DTNB: variants seen among roughly 807,000 people sequenced by gnomAD.
DTNB encodes the protein DTN-B.
In DTNB, 63 loss-of-function variants were observed where a neutral mutation model predicts 90.7. The ratio of observed to expected loss-of-function variants is 0.69; its 90% CI spans 0.57 to 0.86. The LOEUF (loss-of-function observed/expected upper bound fraction) is 0.86. Among genes scored for constraint, DTNB ranks in the 40% least tolerant of loss-of-function variants. The pLI is 0.00. For synonymous variants in DTNB, 277 were observed against 286.7 expected (o/e 0.97, Z 0.34); for missense variants, 744 against 807.1 (o/e 0.92, Z 0.95).
intron 16 of DTNB, among the ~76,000 whole-genome samples, chr2:25,395,019 G>T (rs896602613): frequency 6.6e-6 from 1 of 152,122 alleles, no homozygotes; most frequent in Non-Finnish European, 1.5e-5. Flanking sequence ...AAACAAATGG[G>T]ATAGATACAC....
intron 10 of DTNB, among the ~76,000 whole-genome samples, chr2:25,473,490 A>C (rs1226263903): frequency 6.6e-6 from 1 of 152,236 alleles, no homozygotes; most frequent in African/African-American, 2.4e-5. Context: ...GTGTGTGTTC[A>C]TGTGTGTATC....
At position 25,540,850 on chromosome 2, in the gene DTNB, C is replaced by T. The variant is rs868173320; in HGVS notation, c.877-9253G>A. On this transcript the variant is annotated intron_variant, in intron 8 of 20. Transcript: ENST00000406818. Reference sequence around the variant, plus strand: ...AACAGATGCTTGAAGGCAGCATGCTCGTTAAGAGTCATCACCACTCCCTAA... The same window carrying T: ...AACAGATGCTTGAAGGCAGCATGCTTGTTAAGAGTCATCACCACTCCCTAA... Among the ~76,000 whole-genome samples, 6 of 151,860 alleles carry T rather than the reference C, an allele frequency of 4.0e-5. No homozygotes were observed. The East Asian group carries it at 9.7e-4, about 24-fold the overall frequency.
chr2:25,523,549 G>A (rs904988761), intron 9 of DTNB, among the ~76,000 whole-genome samples: 1 of 150,732 alleles, frequency 6.6e-6, no homozygotes, highest in African/African-American at 2.4e-5. Flanking sequence ...GCTGAGGCAT[G>A]AGAATTGCAT....
At chr2:25,463,065 C>G (rs2150225158) in intron 10 of DTNB, among the ~76,000 whole-genome samples, 1 of 152,292 alleles carries the variant, frequency 6.6e-6, no homozygotes, top group East Asian at 1.9e-4. Context: ...ATTTCCAGCC[C>G]TGACCTCTCC....
At chr2:25,545,135 G>T (rs2082147151) in intron 8 of DTNB, among the ~76,000 whole-genome samples, 1 of 152,008 alleles carries the variant, frequency 6.6e-6, no homozygotes. Flanking sequence ...ATTTTCACTT[G>T]AACAGTCTCT....
Position 25,496,219 on chromosome 2 carries a change from G to C in DTNB, c.1002-13346C>G, listed in dbSNP as rs59601945. On this transcript the variant is annotated intron_variant, in intron 9 of 20. Transcript: ENST00000406818. Reference sequence around the variant, plus strand: ...AAGCAGTCGAGAGTCTTATAAACCGGATCATCAAATCAACAGAAATGTATT... The same window carrying C: ...AAGCAGTCGAGAGTCTTATAAACCGCATCATCAAATCAACAGAAATGTATT... Among the ~76,000 whole-genome samples, 1,234 of 152,226 alleles carry C rather than the reference G, an allele frequency of 8.1e-3. 17 individuals are homozygous for C. The highest frequency in any genetic ancestry group is 0.028 in the African/African-American group (1,174 of 41,520).
At chr2:25,539,284 C>G (rs749988049) in intron 8 of DTNB, among the ~76,000 whole-genome samples, 1 of 152,170 alleles carries the variant, frequency 6.6e-6, no homozygotes, top group African/African-American at 2.4e-5. Context: ...TAGTGTTACG[C>G]GCATTCAATT....
intron 8 of DTNB, among the ~76,000 whole-genome samples, chr2:25,564,237 T>C (rs2058675844): frequency 6.6e-6 from 1 of 152,202 alleles, no homozygotes; most frequent in Non-Finnish European, 1.5e-5. Flanking sequence ...AGGATCAGTT[T>C]ATGGGGTTAT....
intron 14 of DTNB, among the ~76,000 whole-genome samples, chr2:25,429,081 G>A (rs922056428): frequency 6.6e-6 from 1 of 152,146 alleles, no homozygotes; most frequent in African/African-American, 2.4e-5. Context: ...TGACTACCGA[G>A]CCCCTGAAAC....
At chr2:25,551,549 C>T (rs895353775) in intron 8 of DTNB, among the ~76,000 whole-genome samples, 2 of 152,160 alleles carry the variant, frequency 1.3e-5, no homozygotes, top group East Asian at 3.9e-4. Context: ...AGAACTTCCT[C>T]CAGGCAGTGT....
At chr2:25,486,572 G>A (rs1385032218) in intron 9 of DTNB, among the ~76,000 whole-genome samples, 2 of 151,504 alleles carry the variant, frequency 1.3e-5, no homozygotes, top group Non-Finnish European at 2.9e-5. Context: ...GGTTAAGGCT[G>A]CAGTGAGCTG....
Position 25,628,350 on chromosome 2 carries a change from G to A in DTNB, c.183C>T (p.Ala61=), listed in dbSNP as rs1397038189. The A allele has an allele frequency of 1.2e-6, 2 of 1,613,428 alleles. No homozygotes were observed. The highest frequency in any genetic ancestry group is 1.7e-6 in the Non-Finnish European group (2 of 1,179,778). The part of the protein sequence containing the change: ...HLVDIWNMIE[A]FRDNGLNTLD... ...GTGTATTAAGGCCATTGTCTCGGAA[G>A]GCTTCAATCATGTTCCAGATATCAA... The change falls in exon 4 of 21, where the codon GCC becomes GCT. Residue 61 remains alanine, a synonymous_variant. Transcript: ENST00000406818.
At chr2:25,388,872 G>C (rs1401759700) in intron 16 of DTNB, among the ~76,000 whole-genome samples, 6 of 151,388 alleles carry the variant, frequency 4.0e-5, no homozygotes, top group African/African-American at 9.8e-5. Flanking sequence ...TTTGGAGACA[G>C]AGTCTTGCTT....
chr2:25,467,549 C>G (rs1014485767), intron 10 of DTNB, among the ~76,000 whole-genome samples: 2 of 152,042 alleles, frequency 1.3e-5, no homozygotes, highest in Non-Finnish European at 2.9e-5. Flanking sequence ...AGTGATCCTC[C>G]CACCCTGACC....
At chr2:25,602,595 C>A (rs1229836386) in intron 5 of DTNB, among the ~76,000 whole-genome samples, 1 of 152,118 alleles carries the variant, frequency 6.6e-6, no homozygotes, top group Non-Finnish European at 1.5e-5. Context: ...ATGAAGGAAG[C>A]AAACAGTTGA....
At chr2:25,594,904 T>C (rs2064276908) in intron 6 of DTNB, 1 of 152,250 alleles carries the variant, frequency 6.6e-6, no homozygotes, top group Admixed American at 6.5e-5. Context: ...TCTATAAACT[T>C]TATTCAGATT....
intron 10 of DTNB, among the ~76,000 whole-genome samples, chr2:25,482,498 C>T (rs941634372): frequency 2.0e-5 from 3 of 152,038 alleles, no homozygotes; most frequent in Non-Finnish European, 4.4e-5. Context: ...GTTAAAAAAA[C>T]GGATCTGAAA....
At chr2:25,441,965 T>C (rs1210525586) in intron 12 of DTNB, among the ~76,000 whole-genome samples, 1 of 150,744 alleles carries the variant, frequency 6.6e-6, no homozygotes, top group East Asian at 1.9e-4. Context: ...CCTAAACAGA[T>C]TTTTTTTTTC....
chr2:25,599,561 T>G (rs908706472), intron 5 of DTNB, among the ~76,000 whole-genome samples: 8 of 152,024 alleles, frequency 5.3e-5, no homozygotes, highest in Non-Finnish European at 1.0e-4. Flanking sequence ...CAGGATGGTC[T>G]CAATCTCCTG....
Sources: gnomAD v4.1 joint callset for allele counts (sites outside exome capture counted in the v4.1 genomes callset) on GRCh38, gnomAD v4.1.1 for gene constraint, MANE v1.5 for transcripts, NCBI Gene and HGNC (gene_info 2026-07-23, HGNC 2026-07-21) for gene names.